Variants in ELOVL6 observed in about 807,000 individuals in gnomAD.
The protein encoded by ELOVL6 is ELOVL fatty acid elongase 6, also known as very long chain fatty acid elongase 6.
Under a neutral mutation model 31.7 loss-of-function variants are expected in ELOVL6, and 8 were observed. The ratio of observed to expected loss-of-function variants is 0.25; its 90% CI spans 0.15 to 0.45. ELOVL6 has a LOEUF of 0.45. ELOVL6 is among the 20% of genes least tolerant of loss of function. The probability of loss-of-function intolerance (pLI) is 1.00; values close to 1 mark genes in which losing one functional copy is unlikely to be tolerated. For synonymous variants in ELOVL6, 101 were observed against 117.7 expected (o/e 0.86, Z 0.92); for missense variants, 126 against 326.4 (o/e 0.39, Z 4.73).
At chr4:110,101,278 G>A (rs901552002) in intron 2 of ELOVL6, among the ~76,000 whole-genome samples, 8 of 152,160 alleles carry the variant, frequency 5.3e-5, no homozygotes, top group African/African-American at 1.7e-4. Flanking sequence ...GACCTCAGGT[G>A]ATCTGCCCAC....
In ELOVL6 at chr4:110,048,847, A is replaced by G. The variant is rs1458888747; in HGVS notation, c.*2491T>C. 3.3e-5 allele frequency: 5 copies of G among 152,264 alleles called. No individual in the cohort carries two copies. Among genetic ancestry groups the G allele is most frequent in the Non-Finnish European group, 7.3e-5 (5 of 68,050 alleles). The allele number at this position is 152,264 out of a possible 1,614,324, so 9.4% of individuals were successfully genotyped here. A position where few individuals can be genotyped will look rare whatever the true frequency, so the allele number is the denominator to read the frequency against. ...CCAAATTATTTTACAAGTAAAGACA[A>G]ACAAACATGAACCTAATACCAAAAT... On this transcript the variant is annotated 3_prime_UTR_variant, in exon 4 of 4. Coordinates refer to ENST00000302274, the MANE Select transcript of ELOVL6 (RefSeq NM_024090.3).
chr4:110,149,024 C>A (rs1270894314), intron 1 of ELOVL6, among the ~76,000 whole-genome samples: 1 of 152,178 alleles, frequency 6.6e-6, no homozygotes, highest in African/African-American at 2.4e-5. Context: ...CTATGCCCAG[C>A]TAATTTGTTG....
At chr4:110,072,913 G>A (rs17041343) in intron 2 of ELOVL6, among the ~76,000 whole-genome samples, 24,441 of 152,076 alleles carry the variant, frequency 0.16, 2,589 homozygotes, top group East Asian at 0.29. Flanking sequence ...GCAACAAGAA[G>A]TCCTGGCCCC....
intron 2 of ELOVL6, among the ~76,000 whole-genome samples, chr4:110,091,656 TCC>T (rs1464014589): frequency 6.6e-6 from 1 of 152,178 alleles, no homozygotes; most frequent in African/African-American, 2.4e-5. Context: ...AAATTTCTGC[TCC>T]AGTTCCGGGT....
intron 1 of ELOVL6, among the ~76,000 whole-genome samples, chr4:110,133,186 A>G (rs1325239739): frequency 6.6e-6 from 1 of 152,176 alleles, no homozygotes; most frequent in Non-Finnish European, 1.5e-5. Context: ...GGGTAGAGAA[A>G]AGAGAGGAAG....
At chr4:110,113,633 T>C (rs1757098149) in intron 1 of ELOVL6, among the ~76,000 whole-genome samples, 1 of 152,166 alleles carries the variant, frequency 6.6e-6, no homozygotes, top group African/African-American at 2.4e-5. Flanking sequence ...AAATCTCCCA[T>C]GCCCATCTGA....
At chr4:110,114,068 T>A (rs1409062914) in intron 1 of ELOVL6, among the ~76,000 whole-genome samples, 1 of 152,088 alleles carries the variant, frequency 6.6e-6, no homozygotes, top group Non-Finnish European at 1.5e-5. Context: ...CTGAGCAACA[T>A]AACAAGACTC....
chr4:110,142,423 A>G (rs573522313), intron 1 of ELOVL6, among the ~76,000 whole-genome samples: 1 of 152,130 alleles, frequency 6.6e-6, no homozygotes, highest in East Asian at 1.9e-4. Context: ...AACAGGGTTA[A>G]TCTCACTCCC....
At chr4:110,168,865 TAATTA>T (rs1373198093) in intron 1 of ELOVL6, among the ~76,000 whole-genome samples, 1 of 152,226 alleles carries the variant, frequency 6.6e-6, no homozygotes, top group Non-Finnish European at 1.5e-5. Context: ...AATGGAGGGT[TAATTA>T]AATTAATGTT....
intron 2 of ELOVL6, among the ~76,000 whole-genome samples, chr4:110,102,130 T>C (rs1756759258): frequency 6.6e-6 from 1 of 152,186 alleles, no homozygotes. Context: ...CCATTATCAA[T>C]GTTTCCCAAA....
intron 1 of ELOVL6, among the ~76,000 whole-genome samples, chr4:110,108,247 A>G (rs1031402136): frequency 8.5e-5 from 13 of 152,294 alleles, no homozygotes; most frequent in African/African-American, 3.1e-4. Flanking sequence ...TATCTTACCC[A>G]TTCAACATAA....
At chr4:110,172,004 T>C (rs1356116548) in intron 1 of ELOVL6, among the ~76,000 whole-genome samples, 1 of 152,116 alleles carries the variant, frequency 6.6e-6, no homozygotes, top group Non-Finnish European at 1.5e-5. Context: ...ACATCCTTTA[T>C]AATAAACTAA....
chr4:110,195,483 G>A (rs1759746080), intron 1 of ELOVL6, among the ~76,000 whole-genome samples: 1 of 152,038 alleles, frequency 6.6e-6, no homozygotes, highest in Admixed American at 6.6e-5. Context: ...GGGGAGGGAG[G>A]AGAGATAAAA....
intron 1 of ELOVL6, among the ~76,000 whole-genome samples, chr4:110,187,124 A>AG (rs1759473225): frequency 6.6e-6 from 1 of 151,800 alleles, no homozygotes; most frequent in South Asian, 2.1e-4. Flanking sequence ...AAAATGTGTG[A>AG]GGCAGTGCAT....
intron 1 of ELOVL6, among the ~76,000 whole-genome samples, chr4:110,157,254 A>C (rs1298024977): frequency 1.3e-5 from 2 of 152,242 alleles, no homozygotes; most frequent in Non-Finnish European, 2.9e-5. Context: ...GCATAATATG[A>C]AATTAATTTG....
chr4:110,157,737 C>G (rs1383114983), intron 1 of ELOVL6, among the ~76,000 whole-genome samples: 1 of 152,080 alleles, frequency 6.6e-6, no homozygotes, highest in East Asian at 1.9e-4. Context: ...TAAACATTTA[C>G]TGAGTGCCAA....
At chr4:110,170,410 T>C (rs1192913338) in intron 1 of ELOVL6, among the ~76,000 whole-genome samples, 1 of 152,248 alleles carries the variant, frequency 6.6e-6, no homozygotes, top group Non-Finnish European at 1.5e-5. Flanking sequence ...CTAAAATTTA[T>C]TTGTAACCTC....
chr4:110,196,477 A>T (rs549351113), intron 1 of ELOVL6, among the ~76,000 whole-genome samples: 6 of 152,150 alleles, frequency 3.9e-5, no homozygotes, highest in Non-Finnish European at 8.8e-5. Context: ...AAGTGCATCC[A>T]GAGAAGGACC....
chr4:110,048,311 A>G lies in ELOVL6; in HGVS notation c.*3027T>C, dbSNP rs868673760. Reference sequence around the variant, plus strand: ...CACGTAAACCCCCTGCTTTATGAATAGAGCATTTCTCACTAGAACTTCATT... The same window carrying G: ...CACGTAAACCCCCTGCTTTATGAATGGAGCATTTCTCACTAGAACTTCATT... On this transcript the variant is annotated 3_prime_UTR_variant, in exon 4 of 4. Coordinates refer to ENST00000302274, the MANE Select transcript of ELOVL6 (RefSeq NM_024090.3). 75 of 152,250 alleles carry G rather than the reference A, an allele frequency of 4.9e-4. No individual in the cohort carries two copies. Among genetic ancestry groups the G allele is most frequent in the African/African-American group, 1.8e-3 (75 of 41,456 alleles). The allele number at this position is 152,250 out of a possible 1,614,324, so 9.4% of individuals were successfully genotyped here. A position where few individuals can be genotyped will look rare whatever the true frequency, so the allele number is the denominator to read the frequency against.
Sources: gnomAD v4.1 joint callset for allele counts (sites outside exome capture counted in the v4.1 genomes callset) on GRCh38, gnomAD v4.1.1 for gene constraint, MANE v1.5 for transcripts, NCBI Gene and HGNC (gene_info 2026-07-23, HGNC 2026-07-21) for gene names.